Variants in GDPD1 observed in about 807,000 individuals in gnomAD.
GDPD1 encodes the protein lysophospholipase D GDPD1.
GDPD1 carries 28 observed loss-of-function variants against 45.1 expected under a neutral mutation model. The observed-to-expected ratio is 0.62, with a 90% CI of 0.46 to 0.85. GDPD1 has a LOEUF of 0.85. Ranked by LOEUF, GDPD1 falls within the 40% of genes least tolerant of loss-of-function variation. The pLI, the probability that GDPD1 is intolerant of heterozygous loss-of-function variation, is 0.00. For synonymous variants in GDPD1, 139 were observed against 131.4 expected (o/e 1.06, Z -0.40); for missense variants, 256 against 364.8 (o/e 0.70, Z 2.43).
At chr17:59,222,362 A>G (rs1465004342) in intron 1 of GDPD1, among the ~76,000 whole-genome samples, 3 of 151,152 alleles carry the variant, frequency 2.0e-5, no homozygotes, top group African/African-American at 4.9e-5. Context: ...GCCCGCCACC[A>G]CACCCAGTTA....
rs568366269 is a variant in GDPD1 at position 59,223,781 on chromosome 17, CAT to C, written c.142+3031_142+3032del. On this transcript the variant is annotated intron_variant, in intron 1 of 9. Transcript: ENST00000284116. Reference sequence around the variant, plus strand: ...GAATATTATGTCTACTGCAAAAACACATGTCTGTAATCCCAGCTATTCAAGAG... The same window carrying C: ...GAATATTATGTCTACTGCAAAAACACGTCTGTAATCCCAGCTATTCAAGAG... 2.5e-3 allele frequency among the ~76,000 whole-genome samples: 385 copies of C among 152,262 alleles called. 1 individual carries two copies. The highest frequency in any genetic ancestry group is 8.7e-3 in the African/African-American group (363 of 41,544).
At chr17:59,226,914 C>T (rs2047051517) in intron 1 of GDPD1, among the ~76,000 whole-genome samples, 1 of 151,382 alleles carries the variant, frequency 6.6e-6, no homozygotes, top group African/African-American at 2.4e-5. Context: ...CTCCTGACCT[C>T]AGGTGATCCA....
chr17:59,262,629 G>T lies in GDPD1; in HGVS notation c.577-4412G>T, dbSNP rs368457875. On this transcript the variant is annotated intron_variant, in intron 6 of 9. Coordinates refer to ENST00000284116, the MANE Select transcript of GDPD1 (RefSeq NM_182569.4). ...TGAAACGGCTTTGTATCTTGGTTTT[G>T]TTTTTTTTTGTTTTTTTTTTTTGAG... Among the ~76,000 whole-genome samples, 162 of 131,190 alleles carry T rather than the reference G, an allele frequency of 1.2e-3. 1 individual carries two copies. Among genetic ancestry groups the T allele is most frequent in the African/African-American group, 2.1e-3 (80 of 37,502 alleles). 86.1% of individuals were successfully genotyped at this position (131,190 alleles called of 152,430 possible). A position where few individuals can be genotyped will look rare whatever the true frequency, so the allele number is the denominator to read the frequency against.
chr17:59,244,547 A>G (rs1163383873), intron 2 of GDPD1, among the ~76,000 whole-genome samples: 1 of 151,998 alleles, frequency 6.6e-6, no homozygotes, highest in Non-Finnish European at 1.5e-5. Flanking sequence ...CGGCCAGGCT[A>G]GTCTCAAACT....
chr17:59,266,336 C>T (rs1460010031), intron 6 of GDPD1, among the ~76,000 whole-genome samples: 2 of 144,672 alleles, frequency 1.4e-5, no homozygotes, highest in African/African-American at 2.6e-5. Context: ...TTCAGTGAGC[C>T]GATATTGTGC....
At chr17:59,271,084 A>T (rs951317888) in intron 8 of GDPD1, 89 bp downstream of exon 8, 2 of 771,340 alleles carry the variant, frequency 2.6e-6, no homozygotes, top group East Asian at 5.4e-5. Context: ...AGCTTTCCAC[A>T]TGTAATTTGT....
intron 1 of GDPD1, among the ~76,000 whole-genome samples, chr17:59,231,625 C>G (rs1259338946): frequency 2.0e-5 from 3 of 151,536 alleles, no homozygotes; most frequent in African/African-American, 7.3e-5. Context: ...CGCGCCCAGC[C>G]AAAAACATTT....
chr17:59,255,303 TC>T (rs1334722416), intron 4 of GDPD1, among the ~76,000 whole-genome samples: 4 of 151,650 alleles, frequency 2.6e-5, no homozygotes, highest in Admixed American at 2.6e-4. Flanking sequence ...GTAATTAGAG[TC>T]AAAAGGGACT....
chr17:59,235,803 T>A (rs1309180745), intron 2 of GDPD1, among the ~76,000 whole-genome samples: 4 of 142,856 alleles, frequency 2.8e-5, no homozygotes, highest in Non-Finnish European at 6.0e-5. Flanking sequence ...GGCAATAGAG[T>A]GAGACTCTAT....
chr17:59,273,535 A>C (rs2047458939), intron 9 of GDPD1, 116 bp from the exon 10 acceptor site: 2 of 489,052 alleles, frequency 4.1e-6, no homozygotes, highest in Admixed American at 4.0e-5. Flanking sequence ...TATTTAAATG[A>C]TAGCTTTAAA....
intron 4 of GDPD1, among the ~76,000 whole-genome samples, chr17:59,252,483 C>T (rs2047262636): frequency 6.6e-6 from 1 of 151,904 alleles, no homozygotes; most frequent in East Asian, 2.0e-4. Context: ...AGGTGATCCA[C>T]CCACATCAGC....
intron 1 of GDPD1, among the ~76,000 whole-genome samples, chr17:59,225,090 CTTTT>C (rs796851725): frequency 1.8e-5 from 2 of 113,676 alleles, no homozygotes; most frequent in Non-Finnish European, 3.5e-5. Context: ...TCTTTCTTTT[CTTTT>C]TTTTTTTTTT....
chr17:59,238,436 C>A (rs145752903), intron 2 of GDPD1, among the ~76,000 whole-genome samples: 1 of 145,828 alleles, frequency 6.9e-6, no homozygotes, highest in Non-Finnish European at 1.5e-5. Flanking sequence ...TTTTCCGAGA[C>A]GGAGTCTCAC....
At chr17:59,250,847 C>A (rs2047247589) in intron 4 of GDPD1, among the ~76,000 whole-genome samples, 1 of 151,890 alleles carries the variant, frequency 6.6e-6, no homozygotes, top group Admixed American at 6.6e-5. Flanking sequence ...TTACAGGTAC[C>A]CGCCACCATA....
intron 6 of GDPD1, among the ~76,000 whole-genome samples, chr17:59,266,139 C>T (rs886961526): frequency 5.3e-5 from 8 of 152,016 alleles, no homozygotes; most frequent in Non-Finnish European, 7.4e-5. Flanking sequence ...GTAATCCCAA[C>T]ACTTTGGGAG....
intron 1 of GDPD1, among the ~76,000 whole-genome samples, chr17:59,228,923 T>G (rs2047067687): frequency 6.6e-6 from 1 of 151,564 alleles, no homozygotes; most frequent in South Asian, 2.1e-4. Flanking sequence ...TTAACCCTCC[T>G]GTGTTACTGT....
intron 2 of GDPD1, among the ~76,000 whole-genome samples, chr17:59,244,269 A>G (rs907666698): frequency 6.6e-6 from 1 of 152,228 alleles, no homozygotes; most frequent in Admixed American, 6.6e-5. Context: ...GCCTGCCGCT[A>G]CTTGGGAGGG....
intron 3 of GDPD1, among the ~76,000 whole-genome samples, chr17:59,248,302 T>TATAAG (rs1555723353): frequency 6.6e-6 from 1 of 151,634 alleles, no homozygotes; most frequent in African/African-American, 2.4e-5. Flanking sequence ...CTGTCTCAAA[T>TATAAG]ATAAAATAAA....
intron 2 of GDPD1, among the ~76,000 whole-genome samples, chr17:59,239,948 C>T (rs1568341446): frequency 6.6e-6 from 1 of 151,950 alleles, no homozygotes; most frequent in Non-Finnish European, 1.5e-5. Flanking sequence ...GATTCACCCA[C>T]CTCGGCCTCC....
Sources: gnomAD v4.1 joint callset for allele counts (sites outside exome capture counted in the v4.1 genomes callset) on GRCh38, gnomAD v4.1.1 for gene constraint, MANE v1.5 for transcripts, NCBI Gene and HGNC (gene_info 2026-07-23, HGNC 2026-07-21) for gene names.